ZNF232: variants seen among roughly 807,000 people sequenced by gnomAD.
ZNF232 encodes the protein zinc finger protein 232, also known as zinc finger and SCAN domain-containing protein 11.
In ZNF232, 25 loss-of-function variants were observed where a neutral mutation model predicts 25.2. That is an observed-to-expected ratio of 0.99 (90% CI 0.72 to 1.39). The LOEUF (loss-of-function observed/expected upper bound fraction) is 1.39, where lower values mean the gene tolerates loss of function less well. ZNF232 is among the 40% of genes most tolerant of loss of function. The probability of loss-of-function intolerance (pLI) is 0.00; values close to 1 mark genes in which losing one functional copy is unlikely to be tolerated. For missense variants in ZNF232, 519 were observed against 520.9 expected (o/e 1.00, Z 0.04); for synonymous variants, 193 against 182.9 (o/e 1.06, Z -0.45).
At chr17:5,116,911 G>A (rs531247039) in intron 1 of ZNF232, among the ~76,000 whole-genome samples, 1 of 152,244 alleles carries the variant, frequency 6.6e-6, no homozygotes. Context: ...TACGGAGGGA[G>A]CAATCTTCAC....
chr17:5,106,451 G>A (rs767943146), exon 4 of ZNF232: 2 of 1,614,112 alleles, frequency 1.2e-6, no homozygotes, highest in Admixed American at 1.7e-5. Context: ...CTTCAGTAAT[G>A]GGTGGTTGTG....
chr17:5,115,476 G>A (rs2072509222), upstream of ZNF232, among the ~76,000 whole-genome samples: 1 of 151,934 alleles, frequency 6.6e-6, no homozygotes, highest in African/African-American at 2.4e-5. Flanking sequence ...GCTTTAACCC[G>A]GGAGGCGGAG....
chr17:5,112,062 G>A, upstream of ZNF232: 1 of 602,566 alleles, frequency 1.7e-6, no homozygotes, highest in Non-Finnish European at 2.8e-6. Context: ...GGAGCGGCCG[G>A]GTGCCCTGGA....
chr17:5,111,881 C>T, upstream of ZNF232: 1 of 1,606,470 alleles, frequency 6.2e-7, no homozygotes, highest in Non-Finnish European at 8.5e-7. Context: ...AGGTTTGCGC[C>T]TGCGCAGGTC....
chr17:5,122,641 C>T (rs1482589658), intron 1 of ZNF232, among the ~76,000 whole-genome samples: 2 of 152,202 alleles, frequency 1.3e-5, no homozygotes, highest in Non-Finnish European at 2.9e-5. Flanking sequence ...CCGGCTGCAA[C>T]GCGTGTCTCC....
chr17:5,117,762 A>C (rs1378877588), intron 1 of ZNF232, among the ~76,000 whole-genome samples: 1 of 152,066 alleles, frequency 6.6e-6, no homozygotes, highest in African/African-American at 2.4e-5. Context: ...TAGTACAAGC[A>C]AGAGATGATG....
chr17:5,108,280 C>CT (rs1567756399), intron 3 of ZNF232, among the ~76,000 whole-genome samples: 1 of 152,198 alleles, frequency 6.6e-6, no homozygotes, highest in Non-Finnish European at 1.5e-5. Flanking sequence ...GTTCACGCCC[C>CT]TGAGGCTCTA....
upstream of ZNF232, among the ~76,000 whole-genome samples, chr17:5,115,743 T>TC (rs1330106882): frequency 1.3e-5 from 2 of 151,896 alleles, no homozygotes; most frequent in Non-Finnish European, 2.9e-5. Context: ...CTGAGGGAGG[T>TC]CCCTACTCAG....
intron 1 of ZNF232, among the ~76,000 whole-genome samples, chr17:5,122,577 C>A (rs1056704892): frequency 2.6e-5 from 4 of 152,234 alleles, no homozygotes; most frequent in African/African-American, 9.6e-5. Context: ...CCCTGGGCCC[C>A]CTCCCCAGCC....
At chr17:5,107,394 G>GAAAAAAA (rs749338515) in intron 3 of ZNF232, among the ~76,000 whole-genome samples, 3 of 60,676 alleles carry the variant, frequency 4.9e-5, no homozygotes, top group East Asian at 6.6e-4. Context: ...TCTCAAAAAG[G>GAAAAAAA]AAAAAAAAAA....
intron 1 of ZNF232, among the ~76,000 whole-genome samples, chr17:5,110,665 C>A (rs1344044232): frequency 1.3e-5 from 2 of 152,174 alleles, no homozygotes; most frequent in Non-Finnish European, 2.9e-5. Flanking sequence ...AATGCCAAAG[C>A]CCTATTAAGG....
In ZNF232 at chr17:5,105,928, C is replaced by T. The variant is rs939237494; in HGVS notation, c.1204G>A (p.Gly402Arg). The T allele has an allele frequency of 4.3e-6, 7 of 1,614,064 alleles. No individual in the cohort carries two copies. The African/African-American group carries it at 9.3e-5, about 22-fold the overall frequency. ...TCTTTACATATAAAAGGTTTCTCTCCACTGTGAATTCTCCGATGCTGACTT... is the reference window on the plus strand; with the variant it reads ...TCTTTACATATAAAAGGTTTCTCTCTACTGTGAATTCTCCGATGCTGACTT... Residue 402 changes from glycine (G) to arginine (R), a missense_variant, in exon 4 of 4, where the codon GGA (glycine) becomes AGA (arginine). Coordinates refer to ENST00000575898, the Ensembl canonical transcript of ZNF232.
In ZNF232 at chr17:5,105,950, A is replaced by T. The variant is rs772339047; in HGVS notation, c.1182T>A (p.Ser394Arg). ...CTCCACTGTGAATTCTCCGATGCTG[A>T]CTTAGATATGAGCTTTGACTAAAGG... Residue 394 changes from serine to arginine, a missense_variant, in exon 4 of 4, where the codon AGT becomes AGA. Ser to Arg is a moderately radical substitution (Grantham distance 110). Coordinates refer to ENST00000575898, the Ensembl canonical transcript of ZNF232. The T allele has an allele frequency of 1.2e-6, 2 of 1,614,184 alleles. No homozygotes were observed. Among genetic ancestry groups the T allele is most frequent in the Non-Finnish European group, 1.7e-6 (2 of 1,180,026 alleles).
upstream of ZNF232, chr17:5,111,952 G>A (rs1413607397): frequency 1.2e-5 from 16 of 1,381,464 alleles, no homozygotes; most frequent in Admixed American, 3.6e-4. Flanking sequence ...CGCGGACTTT[G>A]GCCCAGGCGC....
At chr17:5,122,580 C>T (rs2072717479) in intron 1 of ZNF232, among the ~76,000 whole-genome samples, 1 of 152,204 alleles carries the variant, frequency 6.6e-6, no homozygotes, top group African/African-American at 2.4e-5. Flanking sequence ...TGGGCCCCCT[C>T]CCCAGCCCAA....
chr17:5,118,009 A>C (rs1039320811), intron 1 of ZNF232, among the ~76,000 whole-genome samples: 2 of 151,350 alleles, frequency 1.3e-5, no homozygotes, highest in African/African-American at 2.4e-5. Flanking sequence ...GCGGAGATTG[A>C]AGTGGGCCGA....
At chr17:5,105,845 G>T in exon 4 of ZNF232, 1 of 1,600,402 alleles carries the variant, frequency 6.2e-7, no homozygotes, top group African/African-American at 1.3e-5. Flanking sequence ...GCTCTTTTCT[G>T]GCATGAACTC....
At chr17:5,122,597 C>A (rs2072718581) in intron 1 of ZNF232, among the ~76,000 whole-genome samples, 2 of 152,246 alleles carry the variant, frequency 1.3e-5, no homozygotes, top group Non-Finnish European at 2.9e-5. Context: ...CCAACCCAGC[C>A]CCGACCCTCC....
Position 5,111,797 on chromosome 17 carries a change from C to T in ZNF232, c.23+3G>A. The T allele has an allele frequency of 6.2e-7, 1 of 1,613,894 alleles. No individual in the cohort carries two copies. Among genetic ancestry groups the T allele is most frequent in the Non-Finnish European group, 8.5e-7 (1 of 1,179,884 alleles). ...CCTCGGGGAAGCCGCCGCCAACACTCACCTCACAGGACCAGGAGGTTCCAT... is the reference window on the plus strand; with the variant it reads ...CCTCGGGGAAGCCGCCGCCAACACTTACCTCACAGGACCAGGAGGTTCCAT... On this transcript the variant is annotated splice_donor_region_variant and intron_variant, in intron 1 of 3. Transcript: ENST00000575898.
Sources: allele counts gnomAD v4.1 joint callset (sites outside exome capture counted in the v4.1 genomes callset), GRCh38; gene constraint gnomAD v4.1.1; transcripts MANE v1.5; gene names NCBI Gene and HGNC (gene_info 2026-07-23, HGNC 2026-07-21).